The following CLPB variants were observed in gnomAD, a reference collection of about 807,000 sequenced individuals.
The protein encoded by CLPB is ClpB family mitochondrial disaggregase.
In CLPB, 40 loss-of-function variants were observed where a neutral mutation model predicts 78.4. The ratio of observed to expected loss-of-function variants is 0.51; its 90% confidence interval spans 0.40 to 0.66. The LOEUF (loss-of-function observed/expected upper bound fraction) is 0.66. CLPB is among the 30% of genes least tolerant of loss of function. CLPB has a pLI of 0.00. For synonymous variants in CLPB, 333 were observed against 348.0 expected (o/e 0.96, Z 0.48); for missense variants, 780 against 886.9 (o/e 0.88, Z 1.53).
chr11:72,354,189 C>G (rs1950664227), intron 5 of CLPB: 3 of 375,248 alleles, frequency 8.0e-6, no homozygotes, highest in Non-Finnish European at 1.4e-5. Context: ...CCCTTGCAAC[C>G]TCTCTTAGCT....
intron 3 of CLPB, among the ~76,000 whole-genome samples, chr11:72,391,975 T>C (rs1044006893): frequency 6.6e-6 from 1 of 152,146 alleles, no homozygotes; most frequent in Non-Finnish European, 1.5e-5. Flanking sequence ...TGTTTAGGCT[T>C]TCTGCTTTCA....
intron 3 of CLPB, among the ~76,000 whole-genome samples, chr11:72,395,031 T>C (rs1565482926): frequency 6.6e-6 from 1 of 152,084 alleles, no homozygotes; most frequent in Non-Finnish European, 1.5e-5. Flanking sequence ...GCAAATGCTC[T>C]CCCCCTACTC....
chr11:72,376,649 ATTAT>A (rs1245522914), intron 4 of CLPB, among the ~76,000 whole-genome samples: 1 of 93,922 alleles, frequency 1.1e-5, no homozygotes, highest in African/African-American at 2.7e-5. Context: ...CGTTATTATT[ATTAT>A]TTTTTTTTAA....
At chr11:72,368,319 G>A (rs990927211) in intron 4 of CLPB, among the ~76,000 whole-genome samples, 10 of 152,060 alleles carry the variant, frequency 6.6e-5, no homozygotes, top group Non-Finnish European at 1.0e-4. Context: ...GGAACTTTAC[G>A]ACTATTCTCA....
chr11:72,405,568 C>A (rs901699916), intron 2 of CLPB, among the ~76,000 whole-genome samples: 1 of 152,148 alleles, frequency 6.6e-6, no homozygotes, highest in African/African-American at 2.4e-5. Context: ...TGTGCTCCCA[C>A]GTCTAAGAGG....
At position 72,308,606 on chromosome 11, in the gene CLPB, T is replaced by A; in HGVS notation, c.989-2A>T. On this transcript the variant is annotated splice_acceptor_variant, in intron 7 of 15. Transcript: ENST00000538039. LOFTEE classifies it high-confidence loss of function. ...AGCCATTCTCCTTCCTCCGGATCGCTACGGCCAAACACACAAGATCAGGGG... is the reference window on the plus strand; with the variant it reads ...AGCCATTCTCCTTCCTCCGGATCGCAACGGCCAAACACACAAGATCAGGGG... 6.2e-7 allele frequency: 1 copy of A among 1,613,962 alleles called. No individual in the cohort carries two copies. Among genetic ancestry groups the A allele is most frequent in the Non-Finnish European group, 8.5e-7 (1 of 1,179,788 alleles).
At chr11:72,387,087 T>A (rs1394495486) in intron 3 of CLPB, among the ~76,000 whole-genome samples, 1 of 152,156 alleles carries the variant, frequency 6.6e-6, no homozygotes, top group South Asian at 2.1e-4. Context: ...TCAGAATGAA[T>A]AATGACAGTA....
chr11:72,418,854 C>CAAAAAAAA (rs913728201), intron 2 of CLPB, among the ~76,000 whole-genome samples: 2 of 75,258 alleles, frequency 2.7e-5, no homozygotes, highest in African/African-American at 9.1e-5. Flanking sequence ...ACTCCATCTC[C>CAAAAAAAA]AAAAAAAAAA....
chr11:72,323,936 A>T (rs1401780750), intron 6 of CLPB, among the ~76,000 whole-genome samples: 2 of 152,072 alleles, frequency 1.3e-5, no homozygotes, highest in African/African-American at 4.8e-5. Flanking sequence ...TTCTCAAATC[A>T]TTGAGAAAAA....
intron 6 of CLPB, among the ~76,000 whole-genome samples, chr11:72,324,234 T>C (rs1379358549): frequency 6.6e-6 from 1 of 152,138 alleles, no homozygotes; most frequent in Non-Finnish European, 1.5e-5. Context: ...TCCTGATATG[T>C]GTATCTTATA....
chr11:72,367,229 T>C (rs1950961448), intron 4 of CLPB, among the ~76,000 whole-genome samples: 1 of 152,176 alleles, frequency 6.6e-6, no homozygotes, highest in African/African-American at 2.4e-5. Flanking sequence ...AGTGACACAA[T>C]CTAGGCTCAC....
Position 72,286,058 on chromosome 11 carries a change from A to G in CLPB, c.*7309T>C, listed in dbSNP as rs917369165. 1 of 150,906 alleles carries G rather than the reference A, an allele frequency of 6.6e-6. No homozygotes were observed. The highest frequency in any genetic ancestry group is 2.4e-5 in the African/African-American group (1 of 40,904). The allele number at this position is 150,906 out of a possible 1,614,324, so 9.3% of individuals were successfully genotyped here. On this transcript the variant is annotated 3_prime_UTR_variant, in exon 16 of 16. Transcript: ENST00000538039. ...GTTATATTCCCACCTCAGCCTCCCA[A>G]GTAGCTGAGACCACAGGTGGATGCC... is the stretch of plus-strand genomic sequence containing the variant.
intron 4 of CLPB, among the ~76,000 whole-genome samples, chr11:72,362,876 G>C (rs1950866537): frequency 6.6e-6 from 1 of 152,128 alleles, no homozygotes; most frequent in Non-Finnish European, 1.5e-5. Context: ...GCAAAGTGAG[G>C]TGGGGGCAGT....
intron 3 of CLPB, among the ~76,000 whole-genome samples, chr11:72,389,850 C>T (rs1015911106): frequency 6.6e-6 from 1 of 152,086 alleles, no homozygotes; most frequent in African/African-American, 2.4e-5. Context: ...GAGGTCGAGG[C>T]TGCAGTGAGC....
chr11:72,359,137 C>T, intron 4 of CLPB, 129 bp from the exon 5 acceptor site: 2 of 1,439,968 alleles, frequency 1.4e-6, no homozygotes, highest in African/African-American at 1.4e-5. Flanking sequence ...ATGGCACCTA[C>T]TATGTTCCTG....
chr11:72,372,987 TGCCG>T, intron 4 of CLPB: 1 of 1,614,134 alleles, frequency 6.2e-7, no homozygotes, highest in Non-Finnish European at 8.5e-7. Flanking sequence ...GTTTGTGATG[TGCCG>T]GCTTGCACCG....
intron 6 of CLPB, among the ~76,000 whole-genome samples, chr11:72,319,429 G>T (rs1006423055): frequency 1.4e-4 from 22 of 152,202 alleles, no homozygotes; most frequent in African/African-American, 4.6e-4. Context: ...ACTGTACTCA[G>T]CACCTTATAC....
chr11:72,376,570 A>AC (rs1325388629), intron 4 of CLPB, among the ~76,000 whole-genome samples: 1 of 152,078 alleles, frequency 6.6e-6, no homozygotes, highest in Non-Finnish European at 1.5e-5. Context: ...TTAAAAAAAA[A>AC]AAAAAAAAGG....
chr11:72,424,880 C>T (rs984784219), intron 2 of CLPB, among the ~76,000 whole-genome samples: 3 of 150,806 alleles, frequency 2.0e-5, no homozygotes, highest in Admixed American at 1.3e-4. Context: ...AATGAGACTC[C>T]GTCTCAAAAA....
Sources: allele counts gnomAD v4.1 joint callset (sites outside exome capture counted in the v4.1 genomes callset), GRCh38; gene constraint gnomAD v4.1.1; transcripts MANE v1.5; gene names NCBI Gene and HGNC (gene_info 2026-07-23, HGNC 2026-07-21).